The following FARS2 variants were observed in gnomAD, a reference collection of about 807,000 sequenced individuals.
FARS2 encodes the protein phenylalanine--tRNA ligase, mitochondrial.
A neutral mutation model predicts 46.4 loss-of-function variants in FARS2; 40 were observed. That is an observed-to-expected ratio of 0.86 (90% confidence interval 0.67 to 1.12). FARS2 has a LOEUF of 1.12. Ranked by LOEUF, FARS2 falls within the 50% of genes most tolerant of loss-of-function variation. FARS2 has a pLI of 0.00. For missense variants in FARS2, 513 were observed against 567.9 expected, an observed-to-expected ratio of 0.90 and a Z score of 0.98; for synonymous variants, 234 against 214.9, an observed-to-expected ratio of 1.09 and a Z score of -0.78.
chr6:5,536,007 C>G (rs757035789), intron 4 of FARS2, among the ~76,000 whole-genome samples: 1 of 151,540 alleles, frequency 6.6e-6, no homozygotes, highest in Non-Finnish European at 1.5e-5. Flanking sequence ...GTAGTGAGCC[C>G]CTGTGAAACT....
At chr6:5,270,198 C>T (rs964662761) in intron 1 of FARS2, among the ~76,000 whole-genome samples, 1 of 152,170 alleles carries the variant, frequency 6.6e-6, no homozygotes, top group African/African-American at 2.4e-5. Context: ...AGGCAGCATA[C>T]TTTCTTTCCT....
intron 5 of FARS2, among the ~76,000 whole-genome samples, chr6:5,549,454 C>G (rs138216001): frequency 2.1e-4 from 32 of 152,250 alleles, no homozygotes; most frequent in African/African-American, 6.0e-4. Flanking sequence ...TCCTTGTGAA[C>G]TGTCACCTTT....
At chr6:5,602,823 G>A (rs1774613021) in intron 5 of FARS2, among the ~76,000 whole-genome samples, 2 of 152,014 alleles carry the variant, frequency 1.3e-5, no homozygotes, top group African/African-American at 4.8e-5. Context: ...AGTCCCTTTT[G>A]GCACGCTTAT....
At chr6:5,514,834 A>T (rs1172832991) in intron 4 of FARS2, among the ~76,000 whole-genome samples, 4 of 151,562 alleles carry the variant, frequency 2.6e-5, no homozygotes, top group Non-Finnish European at 5.9e-5. Flanking sequence ...TGGCATGAAC[A>T]TGGCTCAACT....
chr6:5,421,250 T>G (rs2127750059), intron 3 of FARS2, among the ~76,000 whole-genome samples: 1 of 152,296 alleles, frequency 6.6e-6, no homozygotes, highest in Admixed American at 6.5e-5. Flanking sequence ...TTGACCCCTT[T>G]CAGCCACATA....
chr6:5,620,968 C>T (rs1174163787), intron 6 of FARS2, among the ~76,000 whole-genome samples: 1 of 152,238 alleles, frequency 6.6e-6, no homozygotes, highest in Admixed American at 6.5e-5. Context: ...CTGATTTAGG[C>T]ACCACCACTT....
At chr6:5,468,466 C>T (rs1177575184) in intron 4 of FARS2, among the ~76,000 whole-genome samples, 3 of 151,910 alleles carry the variant, frequency 2.0e-5, no homozygotes, top group Non-Finnish European at 2.9e-5. Flanking sequence ...TTAATATTTT[C>T]ATCAAGTGCT....
At chr6:5,535,030 T>C (rs1385941456) in intron 4 of FARS2, among the ~76,000 whole-genome samples, 1 of 152,224 alleles carries the variant, frequency 6.6e-6, no homozygotes, top group Non-Finnish European at 1.5e-5. Context: ...TCAACACTTT[T>C]TATGATTATT....
intron 4 of FARS2, among the ~76,000 whole-genome samples, chr6:5,467,804 C>G (rs1157819387): frequency 6.6e-6 from 1 of 152,114 alleles, no homozygotes; most frequent in East Asian, 1.9e-4. Context: ...TGACTTATGC[C>G]TTACCATTTT....
intron 5 of FARS2, among the ~76,000 whole-genome samples, chr6:5,596,537 C>A (rs1195967819): frequency 6.6e-6 from 1 of 152,176 alleles, no homozygotes; most frequent in East Asian, 1.9e-4. Flanking sequence ...GGAAATTAAT[C>A]ATTAAAGGGC....
At chr6:5,466,613 A>C in intron 4 of FARS2, 1 of 985,394 alleles carries the variant, frequency 1.0e-6, no homozygotes, top group Non-Finnish European at 1.2e-6. Flanking sequence ...AATGGTCCTG[A>C]TGGCACCCAG....
At chr6:5,710,902 G>A (rs1170427547) in intron 6 of FARS2, among the ~76,000 whole-genome samples, 2 of 152,206 alleles carry the variant, frequency 1.3e-5, no homozygotes, top group Non-Finnish European at 2.9e-5. Context: ...TGAACTTTGG[G>A]TATGATACTC....
intron 4 of FARS2, among the ~76,000 whole-genome samples, chr6:5,517,335 G>T (rs113788736): frequency 2.6e-5 from 4 of 152,266 alleles, no homozygotes; most frequent in African/African-American, 9.6e-5. Context: ...TGAGGTCAAG[G>T]CATGGTGGCT....
In FARS2 at chr6:5,419,858, T is replaced by C. The variant is rs549473992; in HGVS notation, c.773-11183T>C. Among the ~76,000 whole-genome samples, 5 of 152,274 alleles carry C rather than the reference T, an allele frequency of 3.3e-5. No individual in the cohort carries two copies. The South Asian group carries it at 8.3e-4, about 25-fold the overall frequency. ...CTGCAGGAGGCAGGCTCCTGGTTCT[T>C]CTTGGTTGTGGACCCCAAGCCCAGC... On this transcript the variant is annotated intron_variant, in intron 3 of 6. Transcript: ENST00000274680.
chr6:5,333,632 AG>A (rs1366889273), intron 1 of FARS2, among the ~76,000 whole-genome samples: 2 of 152,202 alleles, frequency 1.3e-5, no homozygotes, highest in Non-Finnish European at 2.9e-5. Flanking sequence ...GAGCAGAGGC[AG>A]GCAGGTGTCT....
chr6:5,285,011 G>T (rs1404326060), intron 1 of FARS2, among the ~76,000 whole-genome samples: 1 of 152,216 alleles, frequency 6.6e-6, no homozygotes, highest in Non-Finnish European at 1.5e-5. Context: ...GTTTTGTTAA[G>T]GATCCTGGCT....
At chr6:5,409,243 G>T (rs1216459972) in intron 3 of FARS2, among the ~76,000 whole-genome samples, 1 of 152,076 alleles carries the variant, frequency 6.6e-6, no homozygotes, top group Admixed American at 6.6e-5. Context: ...GAGGTCAGGA[G>T]ATCAAGACCT....
At chr6:5,407,046 T>TATATATATATATATATATATATAC (rs1761647598) in intron 3 of FARS2, among the ~76,000 whole-genome samples, 2 of 129,702 alleles carry the variant, frequency 1.5e-5, no homozygotes, top group African/African-American at 5.4e-5. Flanking sequence ...TGGCAAATTA[T>TATATATATATATATATATATATAC]ATATATATAT....
chr6:5,544,109 A>G (rs956622148), intron 4 of FARS2, among the ~76,000 whole-genome samples: 3 of 151,914 alleles, frequency 2.0e-5, no homozygotes, highest in African/African-American at 7.3e-5. Flanking sequence ...GTTCCGTCCC[A>G]CTGTAGAAGT....
Sources: gnomAD v4.1 joint callset for allele counts (sites outside exome capture counted in the v4.1 genomes callset) on GRCh38, gnomAD v4.1.1 for gene constraint, MANE v1.5 for transcripts, NCBI Gene and HGNC (gene_info 2026-07-23, HGNC 2026-07-21) for gene names.